Variants in CALN1 observed in about 807,000 individuals in gnomAD.
CALN1 encodes calcium-binding protein 8.
In CALN1, 17 loss-of-function variants were observed where a neutral mutation model predicts 30.6. The ratio of observed to expected loss-of-function variants is 0.56; its 90% CI spans 0.38 to 0.83. The LOEUF (loss-of-function observed/expected upper bound fraction) is 0.83. CALN1 is among the 40% of genes least tolerant of loss of function. The pLI, the probability that CALN1 is intolerant of heterozygous loss-of-function variation, is 0.00. For synonymous variants in CALN1, 156 were observed against 131.4 expected (o/e 1.19, Z -1.28); for missense variants, 291 against 354.9 (o/e 0.82, Z 1.45).
At chr7:72,085,008 T>C (rs999868301) in intron 4 of CALN1, among the ~76,000 whole-genome samples, 7 of 152,204 alleles carry the variant, frequency 4.6e-5, no homozygotes, top group Non-Finnish European at 8.8e-5. Context: ...ACCTGCCCGT[T>C]AGTCACTGCT....
intron 3 of CALN1, among the ~76,000 whole-genome samples, chr7:72,146,209 A>C (rs575368069): frequency 7.8e-4 from 119 of 152,318 alleles, no homozygotes; most frequent in Non-Finnish European, 1.2e-3. Context: ...ACATGATTGT[A>C]TATCTAGAAA....
intron 2 of CALN1, among the ~76,000 whole-genome samples, chr7:72,392,124 C>T (rs894538325): frequency 2.0e-5 from 3 of 152,206 alleles, no homozygotes; most frequent in Non-Finnish European, 2.9e-5. Flanking sequence ...GCTGTCAGAA[C>T]ACAAGCCACA....
chr7:72,291,357 T>C (rs1173763603), intron 2 of CALN1, among the ~76,000 whole-genome samples: 6 of 152,226 alleles, frequency 3.9e-5, no homozygotes, highest in African/African-American at 1.4e-4. Context: ...GTATTGCCTG[T>C]CATTTGTTGA....
At chr7:71,823,269 A>G (rs527399973) in intron 5 of CALN1, among the ~76,000 whole-genome samples, 43 of 151,670 alleles carry the variant, frequency 2.8e-4, no homozygotes, top group South Asian at 2.5e-3. Flanking sequence ...TGTAGCCTTG[A>G]CCTCCTGGGC....
intron 3 of CALN1, among the ~76,000 whole-genome samples, chr7:72,225,845 C>G (rs1185863465): frequency 1.3e-5 from 2 of 152,138 alleles, no homozygotes; most frequent in Admixed American, 6.5e-5. Flanking sequence ...GGCCTGTAAT[C>G]CCAGCACTTT....
At chr7:72,378,028 A>G (rs1440698322) in intron 2 of CALN1, among the ~76,000 whole-genome samples, 1 of 150,170 alleles carries the variant, frequency 6.7e-6, no homozygotes, top group Non-Finnish European at 1.5e-5. Context: ...GAACTTTTTG[A>G]TTAGTCTGTT....
Position 72,381,859 on chromosome 7 carries a change from A to T in CALN1, c.119+21392T>A, listed in dbSNP as rs1012590975. Among the ~76,000 whole-genome samples the T allele has an allele frequency of 7.2e-5, 11 of 152,230 alleles. 1 individual carries two copies. The highest frequency in any genetic ancestry group is 2.2e-4 in the African/African-American group (9 of 41,460). On this transcript the variant is annotated intron_variant, in intron 2 of 6. Transcript: ENST00000395275. ...GCACATGTATCCCAGAACTTAAAGTAAAATTTTAGAAAAAGAATTATAGAT... is the reference window on the plus strand; with the variant it reads ...GCACATGTATCCCAGAACTTAAAGTTAAATTTTAGAAAAAGAATTATAGAT...
chr7:72,326,874 C>A (rs1441344507), intron 2 of CALN1, among the ~76,000 whole-genome samples: 1 of 152,170 alleles, frequency 6.6e-6, no homozygotes, highest in Non-Finnish European at 1.5e-5. Context: ...GACTGAGTCT[C>A]CCCATCTGTC....
At chr7:72,055,348 A>C (rs540212709) in intron 4 of CALN1, among the ~76,000 whole-genome samples, 1 of 152,330 alleles carries the variant, frequency 6.6e-6, no homozygotes, top group South Asian at 2.1e-4. Context: ...TAATAGAAAA[A>C]GTAACCCCAA....
chr7:72,345,842 G>A (rs1289505380), intron 2 of CALN1, among the ~76,000 whole-genome samples: 1 of 152,140 alleles, frequency 6.6e-6, no homozygotes, highest in African/African-American at 2.4e-5. Context: ...CGCATGAAAA[G>A]TTAAATCTCT....
At chr7:72,246,818 A>C (rs1056194217) in intron 3 of CALN1, among the ~76,000 whole-genome samples, 10 of 139,284 alleles carry the variant, frequency 7.2e-5, no homozygotes, top group African/African-American at 2.4e-4. Flanking sequence ...GCTGTGGCGC[A>C]ATCTCAGCTC....
intron 5 of CALN1, among the ~76,000 whole-genome samples, chr7:71,963,975 C>G (rs3973896): frequency 0.21 from 32,030 of 152,018 alleles, 3,405 homozygotes; most frequent in Middle Eastern, 0.26. Context: ...CAAAATATGT[C>G]TTGTTTTCAA....
intron 5 of CALN1, among the ~76,000 whole-genome samples, chr7:72,015,939 T>C (rs770217295): frequency 7.2e-5 from 11 of 152,096 alleles, no homozygotes; most frequent in Admixed American, 2.0e-4. Flanking sequence ...CTATTAAGGT[T>C]CCATTAGATG....
At chr7:71,974,216 G>A (rs1380965227) in intron 5 of CALN1, among the ~76,000 whole-genome samples, 2 of 151,916 alleles carry the variant, frequency 1.3e-5, no homozygotes, top group Non-Finnish European at 2.9e-5. Context: ...TCAGGAGTTC[G>A]AGACCAGCCT....
At chr7:71,798,957 TG>T (rs1265690959) in intron 6 of CALN1, among the ~76,000 whole-genome samples, 1 of 152,034 alleles carries the variant, frequency 6.6e-6, no homozygotes, top group African/African-American at 2.4e-5. Context: ...ATACCCCCAA[TG>T]TGGGCAGTGA....
chr7:72,358,561 C>T (rs1408255381), intron 2 of CALN1, among the ~76,000 whole-genome samples: 3 of 152,144 alleles, frequency 2.0e-5, no homozygotes, highest in African/African-American at 7.2e-5. Context: ...CTGTGATCCC[C>T]GTCAACCTGA....
At chr7:72,121,463 A>T (rs545900689) in intron 3 of CALN1, among the ~76,000 whole-genome samples, 1 of 147,222 alleles carries the variant, frequency 6.8e-6, no homozygotes, top group South Asian at 2.1e-4. Flanking sequence ...ATAGATATAT[A>T]TAATATAGAT....
chr7:72,151,323 C>T (rs927637227), intron 3 of CALN1, among the ~76,000 whole-genome samples: 4 of 151,320 alleles, frequency 2.6e-5, no homozygotes, highest in Admixed American at 6.6e-5. Context: ...CATCTTCACG[C>T]AATCTTCTAA....
chr7:72,371,161 G>A (rs79267333), intron 2 of CALN1, among the ~76,000 whole-genome samples: 144 of 151,792 alleles, frequency 9.5e-4, no homozygotes, highest in Non-Finnish European at 1.6e-3. Flanking sequence ...GCCTAACCTA[G>A]GGTTGCAAAG....
Sources: gnomAD v4.1 joint callset for allele counts (sites outside exome capture counted in the v4.1 genomes callset) on GRCh38, gnomAD v4.1.1 for gene constraint, MANE v1.5 for transcripts, NCBI Gene and HGNC (gene_info 2026-07-23, HGNC 2026-07-21) for gene names.